The following ZNF638 variants were observed in gnomAD, a reference collection of about 807,000 sequenced individuals.
ZNF638 encodes the protein zinc finger protein 638.
In ZNF638, 46 loss-of-function variants were observed where a neutral mutation model predicts 195.6. The observed-to-expected ratio is 0.24, with a 90% CI of 0.19 to 0.30. The LOEUF (loss-of-function observed/expected upper bound fraction) is 0.30. Among genes scored for constraint, ZNF638 ranks in the 10% least tolerant of loss-of-function variants. ZNF638 has a pLI of 1.00. For missense variants in ZNF638, 2,440 were observed against 2,325.3 expected, an observed-to-expected ratio of 1.05 and a Z score of -1.01; for synonymous variants, 845 against 772.0, an observed-to-expected ratio of 1.09 and a Z score of -1.57.
At chr2:71,336,372 C>CAAAAAAAAAAA (rs66593443) in intron 1 of ZNF638, among the ~76,000 whole-genome samples, 1 of 105,558 alleles carries the variant, frequency 9.5e-6, no homozygotes, top group Non-Finnish European at 1.9e-5. Context: ...ATTCCATCTC[C>CAAAAAAAAAAA]AAAAAAAAAA....
At chr2:71,363,619 T>C (rs948990851) in intron 4 of ZNF638, among the ~76,000 whole-genome samples, 1 of 152,342 alleles carries the variant, frequency 6.6e-6, no homozygotes, top group Non-Finnish European at 1.5e-5. Flanking sequence ...CGTAAATCAT[T>C]TCCTAAATTC....
chr2:71,361,694 A>G (rs2079111695), intron 3 of ZNF638: 1 of 152,234 alleles, frequency 6.6e-6, no homozygotes, highest in South Asian at 2.1e-4. Flanking sequence ...TCTATTCTCA[A>G]AGTAAGAAGA....
At chr2:71,366,167 T>C (rs1253795086) in intron 6 of ZNF638, among the ~76,000 whole-genome samples, 4 of 152,048 alleles carry the variant, frequency 2.6e-5, no homozygotes, top group African/African-American at 9.7e-5. Context: ...CAGAGCTACG[T>C]GGTGGAACTC....
Position 71,388,496 on chromosome 2 carries a change from A to C in ZNF638, c.2378-7645A>C, listed in dbSNP as rs2079695210. 4.3e-6 allele frequency: 3 copies of C among 700,916 alleles called. No homozygotes were observed. The South Asian group carries it at 4.5e-5, about 10-fold the overall frequency. The allele number at this position is 700,916 out of a possible 1,614,324, so 43.4% of individuals were successfully genotyped here. A position where few individuals can be genotyped will look rare whatever the true frequency, so the allele number is the denominator to read the frequency against. ...TTGTCATTAAATCTGTACTAAATAAATACAAGCAGCTCCAGCTTATTGGGG... is the reference window on the plus strand; with the variant it reads ...TTGTCATTAAATCTGTACTAAATAACTACAAGCAGCTCCAGCTTATTGGGG... On this transcript the variant is annotated intron_variant, in intron 10 of 27. Transcript: ENST00000264447.
At chr2:71,385,567 A>G (rs1278120422) in intron 10 of ZNF638, among the ~76,000 whole-genome samples, 1 of 136,684 alleles carries the variant, frequency 7.3e-6, no homozygotes, top group Non-Finnish European at 1.6e-5. Flanking sequence ...ACCATTCTGT[A>G]TCTTGGCTGG....
rs1441657215 is a variant in ZNF638 at position 71,405,533 on chromosome 2, TTAAC to T, written c.2959-64_2959-61del. 6.1e-6 allele frequency: 6 copies of T among 978,652 alleles called. No homozygotes were observed. The Admixed American group carries it at 9.9e-5, about 16-fold the overall frequency. 60.6% of individuals were successfully genotyped at this position (978,652 alleles called of 1,614,324 possible). On this transcript the variant is annotated intron_variant, in intron 17 of 27. Coordinates refer to ENST00000264447, the MANE Select transcript of ZNF638 (RefSeq NM_014497.5). ...TGTATAGATTGTCATGTTATAAATCTTAACTAAGTAAGTATTTGTATGAGAAAGA... is the reference window on the plus strand; with the variant it reads ...TGTATAGATTGTCATGTTATAAATCTTAAGTAAGTATTTGTATGAGAAAGA...
chr2:71,403,619 C>G (rs2080048772), intron 16 of ZNF638, among the ~76,000 whole-genome samples: 1 of 152,050 alleles, frequency 6.6e-6, no homozygotes, highest in South Asian at 2.1e-4. Flanking sequence ...GCTAGAATGT[C>G]TCTTCTTTTT....
At chr2:71,390,337 C>A (rs188318647) in intron 10 of ZNF638, among the ~76,000 whole-genome samples, 2 of 152,140 alleles carry the variant, frequency 1.3e-5, no homozygotes, top group Admixed American at 6.5e-5. Context: ...TCTGCCCCAA[C>A]GAATTAGTGC....
intron 1 of ZNF638, among the ~76,000 whole-genome samples, chr2:71,332,202 G>C (rs1292136715): frequency 6.6e-6 from 1 of 152,238 alleles, no homozygotes; most frequent in African/African-American, 2.4e-5. Flanking sequence ...AGAGCCCTTT[G>C]GCGAGGCCGA....
chr2:71,403,916 T>C lies in ZNF638; in HGVS notation c.2876T>C (p.Phe959Ser). 1 of 1,608,194 alleles carries C rather than the reference T, an allele frequency of 6.2e-7. No individual in the cohort carries two copies. Among genetic ancestry groups the C allele is most frequent in the Non-Finnish European group, 8.5e-7 (1 of 1,175,122 alleles). The change falls in exon 17 of 28, where the codon TTT becomes TCT. Residue 959 changes from phenylalanine to serine, a missense_variant. Coordinates refer to ENST00000264447, the MANE Select transcript of ZNF638 (RefSeq NM_014497.5). Reference sequence around the variant, plus strand: ...AAAGCTGCTGAGTCTATGGTAAAATTTTATACCTGCTTCCCAGTATTGATG... The same window carrying C: ...AAAGCTGCTGAGTCTATGGTAAAATCTTATACCTGCTTCCCAGTATTGATG... Reference protein sequence around the residue: ...NRKAAESMVKFYTCFPVLMDG... With the variant: ...NRKAAESMVKSYTCFPVLMDG...
chr2:71,344,252 A>C (rs1173471193), intron 1 of ZNF638, among the ~76,000 whole-genome samples: 1 of 152,248 alleles, frequency 6.6e-6, no homozygotes, highest in Non-Finnish European at 1.5e-5. Flanking sequence ...GGTCATTAAA[A>C]GCCTTTACGT....
intron 1 of ZNF638, among the ~76,000 whole-genome samples, chr2:71,336,225 G>A (rs879591810): frequency 2.6e-5 from 4 of 151,924 alleles, no homozygotes; most frequent in Non-Finnish European, 4.4e-5. Flanking sequence ...TACAAAATTA[G>A]CTGGGGTGGT....
rs1282787189 is a variant in ZNF638, at chr2:71,349,044, A to G, written c.90A>G (p.Pro30=). 1.9e-6 allele frequency: 3 copies of G among 1,614,218 alleles called. No individual in the cohort carries two copies. Among genetic ancestry groups the G allele is most frequent in the Middle Eastern group, 3.3e-4 (2 of 6,062 alleles). The change falls in exon 2 of 28, where the codon CCA becomes CCG. Residue 30 remains proline (P), a synonymous_variant. Coordinates refer to ENST00000264447, the MANE Select transcript of ZNF638 (RefSeq NM_014497.5). The part of the protein sequence containing the change: ...PNPSGMRPPG[P]FMRPGSMGLP... ...CTTCTGGGATGAGGCCTCCAGGACC[A>G]TTTATGAGGCCTGGATCTATGGGTC...
At chr2:71,394,417 G>A (rs1276655228) in intron 10 of ZNF638, among the ~76,000 whole-genome samples, 2 of 152,064 alleles carry the variant, frequency 1.3e-5, no homozygotes, top group East Asian at 3.9e-4. Flanking sequence ...ACAGATCAGT[G>A]CCTGATTTGC....
At chr2:71,348,721 A>C (rs771779575) in intron 1 of ZNF638, 32 bp from the exon 2 acceptor site, 153 of 1,484,352 alleles carry the variant, frequency 1.0e-4, no homozygotes, top group Middle Eastern at 1.7e-4. Flanking sequence ...GTTTGAGTTA[A>C]AATGATCTAA....
chr2:71,400,310 T>C (rs1313154405), intron 14 of ZNF638, 130 bp downstream of exon 14: 2 of 1,047,554 alleles, frequency 1.9e-6, no homozygotes, highest in Non-Finnish European at 2.7e-6. Flanking sequence ...AGAATGAAAT[T>C]TAAATGTATT....
intron 16 of ZNF638, 103 bp downstream of exon 16, chr2:71,402,190 CAAAGT>C (rs1303726040): frequency 2.2e-5 from 27 of 1,228,406 alleles, no homozygotes; most frequent in Non-Finnish European, 2.9e-5. Flanking sequence ...AGCAGTATCT[CAAAGT>C]AAACTTTCAA....
chr2:71,392,853 T>TA (rs1263067356), intron 10 of ZNF638, among the ~76,000 whole-genome samples: 1 of 152,176 alleles, frequency 6.6e-6, no homozygotes, highest in East Asian at 1.9e-4. Flanking sequence ...CAACAGATGT[T>TA]ACACACGTCC....
At chr2:71,391,145 A>C (rs1222575259) in intron 10 of ZNF638, among the ~76,000 whole-genome samples, 2 of 152,178 alleles carry the variant, frequency 1.3e-5, no homozygotes, top group African/African-American at 2.4e-5. Flanking sequence ...ATCATTCCCA[A>C]AAGGTCTGGG....
Sources: gnomAD v4.1 joint callset for allele counts (sites outside exome capture counted in the v4.1 genomes callset) on GRCh38, gnomAD v4.1.1 for gene constraint, MANE v1.5 for transcripts, NCBI Gene and HGNC (gene_info 2026-07-23, HGNC 2026-07-21) for gene names.